The following SHISAL2A variants were observed in gnomAD, a reference collection of about 807,000 sequenced individuals.
SHISAL2A encodes the protein protein shisa-like-2A.
SHISAL2A carries 18 observed loss-of-function variants against 11.5 expected under a neutral mutation model. The observed-to-expected ratio is 1.57, with a 90% CI of 1.08 to 2.33. The LOEUF (loss-of-function observed/expected upper bound fraction) is 2.33, where lower values mean the gene tolerates loss of function less well. SHISAL2A is among the 30% of genes most tolerant of loss of function. The pLI is 0.00. For missense variants in SHISAL2A, 261 were observed against 250.9 expected (o/e 1.04, Z -0.27); for synonymous variants, 94 against 99.6 (o/e 0.94, Z 0.34).
chr1:52,656,827 C>A lies in SHISAL2A; in HGVS notation c.360C>A (p.Asn120Lys). Residue 120 changes from asparagine to lysine, a missense_variant, in exon 3 of 3, where the codon AAC becomes AAA. Coordinates refer to ENST00000517870, the MANE Select transcript of SHISAL2A (RefSeq NM_001042693.3). ...TTTCTCCTGACTGCCAAGGTGTGAA[C>A]ACAGGCATGGCGGCAGAAGTGCCAA... ...EEVSPDCQGV[N>K]TGMAAEVPKV... 6.2e-7 allele frequency: 1 copy of A among 1,613,872 alleles called. No homozygotes were observed. Among genetic ancestry groups the A allele is most frequent in the African/African-American group, 1.3e-5 (1 of 75,026 alleles).
chr1:52,644,277 A>AT (rs1691443279), intron 2 of SHISAL2A, among the ~76,000 whole-genome samples: 1 of 152,198 alleles, frequency 6.6e-6, no homozygotes. Context: ...GGCAAAAAAA[A>AT]AGGAGAAAGG....
Position 52,633,703 on chromosome 1 carries a change from T to G in SHISAL2A, c.182+28T>G. 1.3e-6 allele frequency: 2 copies of G among 1,574,296 alleles called. No homozygotes were observed. Among genetic ancestry groups the G allele is most frequent in the Non-Finnish European group, 1.7e-6 (2 of 1,156,494 alleles). On this transcript the variant is annotated intron_variant, in intron 1 of 2. Coordinates refer to ENST00000517870, the MANE Select transcript of SHISAL2A (RefSeq NM_001042693.3). The surrounding 1 kb of genome is among the most constrained non-coding windows in gnomAD (Gnocchi z 6.4). ...ACCGTCCCTGGCCCTCACCCTACCT[T>G]GAACCCCACTCCAGTCTCAGCGCCT...
intron 4 of SHISAL2A, among the ~76,000 whole-genome samples, chr1:52,665,738 C>G (rs1417323862): frequency 2.6e-5 from 4 of 152,012 alleles, no homozygotes; most frequent in African/African-American, 9.7e-5. Flanking sequence ...AAGCACCATC[C>G]CCCCCCACTT....
Position 52,633,474 on chromosome 1 carries a change from C to T in SHISAL2A, c.-20C>T. 5.5e-6 allele frequency: 8 copies of T among 1,464,836 alleles called. No homozygotes were observed. Among genetic ancestry groups the T allele is most frequent in the Non-Finnish European group, 7.2e-6 (8 of 1,116,766 alleles). The allele number at this position is 1,464,836 out of a possible 1,614,324, so 90.7% of individuals were successfully genotyped here. On this transcript the variant is annotated 5_prime_UTR_variant, in exon 1 of 3. Transcript: ENST00000517870. The surrounding 1 kb of genome is among the most constrained non-coding windows in gnomAD (Gnocchi z 6.4). ...GCCGTCTGGTGGCCCGAGGTGGCGGCGGGCTGGGCGCGGGGCGCGATGAGC... is the reference window on the plus strand; with the variant it reads ...GCCGTCTGGTGGCCCGAGGTGGCGGTGGGCTGGGCGCGGGGCGCGATGAGC...
intron 2 of SHISAL2A, among the ~76,000 whole-genome samples, chr1:52,652,954 A>C (rs1411235189): frequency 8.9e-6 from 1 of 111,918 alleles, no homozygotes; most frequent in Non-Finnish European, 1.7e-5. Context: ...TGACAGAGTG[A>C]GACTCTGTCT....
intron 2 of SHISAL2A, among the ~76,000 whole-genome samples, chr1:52,646,868 C>T (rs1027607110): frequency 7.2e-5 from 11 of 151,956 alleles, no homozygotes; most frequent in Admixed American, 3.3e-4. Context: ...CTTGCTCTGT[C>T]GCCCAGGCTA....
At chr1:52,645,936 CAAAG>C (rs1034462505) in intron 2 of SHISAL2A, among the ~76,000 whole-genome samples, 1 of 152,080 alleles carries the variant, frequency 6.6e-6, no homozygotes, top group Admixed American at 6.6e-5. Flanking sequence ...TTTTGGAAAA[CAAAG>C]AAGAGGAGGG....
At chr1:52,665,654 C>A (rs1402395332) in intron 4 of SHISAL2A, among the ~76,000 whole-genome samples, 1 of 152,268 alleles carries the variant, frequency 6.6e-6, no homozygotes, top group East Asian at 1.9e-4. Context: ...AAGTATGGGC[C>A]CTATTGGGGC....
intron 2 of SHISAL2A, among the ~76,000 whole-genome samples, chr1:52,650,881 G>A (rs1438398962): frequency 2.6e-5 from 4 of 151,248 alleles, no homozygotes; most frequent in African/African-American, 9.7e-5. Context: ...CTGACCCCAG[G>A]TGATCCACCC....
chr1:52,635,060 T>C (rs1016989223), intron 1 of SHISAL2A, among the ~76,000 whole-genome samples: 1 of 152,248 alleles, frequency 6.6e-6, no homozygotes, highest in Non-Finnish European at 1.5e-5. Context: ...TATATTAATG[T>C]ATTTTCTGTT....
intron 2 of SHISAL2A, among the ~76,000 whole-genome samples, chr1:52,647,795 G>C (rs568440480): frequency 1.3e-5 from 2 of 151,112 alleles, no homozygotes; most frequent in East Asian, 3.9e-4. Context: ...CAGTGAGCCA[G>C]GATCGGCCAC....
chr1:52,652,110 C>A (rs1263637358), intron 2 of SHISAL2A, among the ~76,000 whole-genome samples: 1 of 152,120 alleles, frequency 6.6e-6, no homozygotes, highest in Non-Finnish European at 1.5e-5. Context: ...AGGCAGGTGA[C>A]TACTTCAGAT....
chr1:52,662,635 G>A (rs1264716903), intron 4 of SHISAL2A, among the ~76,000 whole-genome samples: 1 of 151,468 alleles, frequency 6.6e-6, no homozygotes, highest in Non-Finnish European at 1.5e-5. Context: ...ACAGGCGTGA[G>A]GTACCGCCCC....
intron 5 of SHISAL2A, among the ~76,000 whole-genome samples, chr1:52,668,157 A>G (rs1348281622): frequency 6.6e-6 from 1 of 152,190 alleles, no homozygotes; most frequent in Non-Finnish European, 1.5e-5. Context: ...TTTAAGATGC[A>G]GTTATCCTCT....
chr1:52,643,074 A>C, intron 2 of SHISAL2A, 72 bp downstream of exon 2: 2 of 1,490,338 alleles, frequency 1.3e-6, no homozygotes, highest in Non-Finnish European at 1.8e-6. Flanking sequence ...GAAATGTAGA[A>C]ATGATGTTTG....
In SHISAL2A at chr1:52,656,974, T is replaced by C. The variant is rs1489018996; in HGVS notation, c.507T>C (p.Ser169=). 5 of 1,614,134 alleles carry C rather than the reference T, an allele frequency of 3.1e-6. No individual in the cohort carries two copies. Among genetic ancestry groups the C allele is most frequent in the Non-Finnish European group, 4.2e-6 (5 of 1,180,006 alleles). ...HHCFMATVTT[S]DIPGSPEEAS... ...GCTTCATGGCCACAGTGACCACCAG[T>C]GACATTCCAGGCAGCCCTGAGGAAG... Residue 169 remains serine (S), a synonymous_variant, in exon 3 of 3, where the codon AGT becomes AGC. Transcript: ENST00000517870.
intron 1 of SHISAL2A, among the ~76,000 whole-genome samples, chr1:52,638,516 A>C (rs756893088): frequency 6.6e-6 from 1 of 152,226 alleles, no homozygotes; most frequent in Non-Finnish European, 1.5e-5. Flanking sequence ...GTCATGAGTA[A>C]TCCAGTGTCT....
At chr1:52,669,209 C>T in exon 6 of SHISAL2A, 1 of 144,488 alleles carries the variant, frequency 6.9e-6, no homozygotes. Context: ...CTTCTGAGCT[C>T]AAGCGATCCT....
chr1:52,644,247 T>C (rs772287410), intron 2 of SHISAL2A, among the ~76,000 whole-genome samples: 2 of 148,014 alleles, frequency 1.4e-5, no homozygotes, highest in Non-Finnish European at 3.0e-5. Context: ...TAGTGTTGAG[T>C]TTAGTGAAGA....
Sources: allele counts gnomAD v4.1 joint callset (sites outside exome capture counted in the v4.1 genomes callset), GRCh38; gene constraint gnomAD v4.1.1; non-coding constraint Gnocchi (gnomAD v3.1); transcripts MANE v1.5; gene names NCBI Gene and HGNC (gene_info 2026-07-23, HGNC 2026-07-21).